Variants in SREK1IP1 observed in about 807,000 individuals in gnomAD.
The protein encoded by SREK1IP1 is protein SREK1IP1.
SREK1IP1 carries 12 observed loss-of-function variants against 22.8 expected under a neutral mutation model. That is an observed-to-expected ratio of 0.53 (90% confidence interval 0.34 to 0.85). The LOEUF is 0.85. Among genes scored for constraint, SREK1IP1 ranks in the 40% least tolerant of loss-of-function variants. The probability of loss-of-function intolerance (pLI) is 0.02; values close to 1 mark genes in which losing one functional copy is unlikely to be tolerated. For synonymous variants in SREK1IP1, 53 were observed against 52.7 expected (o/e 1.01, Z -0.02); for missense variants, 147 against 171.8 (o/e 0.86, Z 0.81).
chr5:64,730,141 A>G (rs930952804), intron 3 of SREK1IP1, among the ~76,000 whole-genome samples: 1 of 152,198 alleles, frequency 6.6e-6, no homozygotes, highest in African/African-American at 2.4e-5. Context: ...CTGACAAAGA[A>G]GGGCCACGGG....
rs755420855 is a variant in SREK1IP1, at chr5:64,752,144, G to GT, written c.61+2170dup. 3.5e-3 allele frequency among the ~76,000 whole-genome samples: 298 copies of GT among 85,424 alleles called. 5 individuals carry two copies. The highest frequency in any genetic ancestry group is 5.3e-3 in the African/African-American group (100 of 18,938). The allele number at this position is 85,424 out of a possible 152,430, so 56.0% of individuals were successfully genotyped here. ...CTCTTTTTCTGTGAATTTTTTTTGT[G>GT]TGTTTTTTTTTTTTTTTTTTTTTTT... On this transcript the variant is annotated intron_variant, in intron 2 of 4. Transcript: ENST00000513458.
At chr5:64,752,144 G>GTTTT (rs755420855) in intron 2 of SREK1IP1, among the ~76,000 whole-genome samples, 2,194 of 85,162 alleles carry the variant, frequency 0.026, 222 homozygotes, top group Non-Finnish European at 0.033. Flanking sequence ...TTTTTTTTGT[G>GTTTT]TGTTTTTTTT....
chr5:64,745,990 C>T (rs2112100816), intron 2 of SREK1IP1, among the ~76,000 whole-genome samples: 1 of 152,178 alleles, frequency 6.6e-6, no homozygotes, highest in East Asian at 1.9e-4. Context: ...AAATCTATAG[C>T]AATCAAAGCA....
rs565028537 is a variant in SREK1IP1, at chr5:64,722,264, C to T, written c.*2120G>A. 1.3e-5 allele frequency: 2 copies of T among 152,228 alleles called. No homozygotes were observed. The highest frequency in any genetic ancestry group is 2.1e-4 in the South Asian group (1 of 4,832). 9.4% of individuals were successfully genotyped at this position (152,228 alleles called of 1,614,324 possible). On this transcript the variant is annotated 3_prime_UTR_variant, in exon 5 of 5. Coordinates refer to ENST00000513458, the MANE Select transcript of SREK1IP1 (RefSeq NM_173829.4). ...TTAATTTGCATACTACATTAGTTAACGAGGACTGACTTTTGCTCTTCTCAG... is the reference window on the plus strand; with the variant it reads ...TTAATTTGCATACTACATTAGTTAATGAGGACTGACTTTTGCTCTTCTCAG...
At chr5:64,759,443 A>G (rs1295449038) in intron 1 of SREK1IP1, among the ~76,000 whole-genome samples, 1 of 152,144 alleles carries the variant, frequency 6.6e-6, no homozygotes, top group East Asian at 1.9e-4. Context: ...AGAGTAATAC[A>G]GTGTGCCCAC....
intron 1 of SREK1IP1, among the ~76,000 whole-genome samples, chr5:64,756,002 A>G (rs1742834317): frequency 6.6e-6 from 1 of 152,160 alleles, no homozygotes; most frequent in East Asian, 1.9e-4. Flanking sequence ...TTCAACACTC[A>G]AATTTTGACA....
intron 2 of SREK1IP1, among the ~76,000 whole-genome samples, chr5:64,742,077 AT>A (rs1453435628): frequency 6.6e-6 from 1 of 152,260 alleles, no homozygotes; most frequent in East Asian, 1.9e-4. Flanking sequence ...TCTTAAAAAA[AT>A]AAACTCAATT....
chr5:64,743,987 T>C (rs1406140003), intron 2 of SREK1IP1, among the ~76,000 whole-genome samples: 2 of 152,046 alleles, frequency 1.3e-5, no homozygotes, highest in Non-Finnish European at 2.9e-5. Context: ...GGAGAAGCAG[T>C]TTCTGAACAG....
intron 2 of SREK1IP1, among the ~76,000 whole-genome samples, chr5:64,744,577 A>G (rs1036800797): frequency 6.6e-6 from 1 of 152,188 alleles, no homozygotes; most frequent in Non-Finnish European, 1.5e-5. Context: ...GGGTAATATG[A>G]AATTGCCATT....
chr5:64,722,621 C>G lies in SREK1IP1; in HGVS notation c.*1763G>C, dbSNP rs943968911. 2.0e-5 allele frequency: 3 copies of G among 152,166 alleles called. No homozygotes were observed. The highest frequency in any genetic ancestry group is 7.2e-5 in the African/African-American group (3 of 41,444). The allele number at this position is 152,166 out of a possible 1,614,324, so 9.4% of individuals were successfully genotyped here. On this transcript the variant is annotated 3_prime_UTR_variant, in exon 5 of 5. Coordinates refer to ENST00000513458, the MANE Select transcript of SREK1IP1 (RefSeq NM_173829.4). ...TCGAAGAATATTTTCAAAAAACTAG[C>G]AGCAAAGGCAAAACAAATCCCTAAA...
chr5:64,718,969 A>G lies in SREK1IP1; in HGVS notation c.*5415T>C, dbSNP rs960777047. The G allele has an allele frequency of 2.6e-5, 4 of 152,208 alleles. No homozygotes were observed. The highest frequency in any genetic ancestry group is 4.4e-5 in the Non-Finnish European group (3 of 68,040). 9.4% of individuals were successfully genotyped at this position (152,208 alleles called of 1,614,324 possible). ...CTGAATACAGCTTCTCTGGTCTGAT[A>G]TATAAAAAAGAATACCTTATTTTTC... On this transcript the variant is annotated 3_prime_UTR_variant, in exon 5 of 5. Transcript: ENST00000513458.
intron 3 of SREK1IP1, among the ~76,000 whole-genome samples, chr5:64,729,848 T>C (rs981526718): frequency 6.6e-6 from 1 of 152,128 alleles, no homozygotes; most frequent in Non-Finnish European, 1.5e-5. Flanking sequence ...AAGTAAAGAT[T>C]TCAATTTTAG....
At chr5:64,731,331 T>C (rs950616137) in intron 3 of SREK1IP1, among the ~76,000 whole-genome samples, 1 of 151,500 alleles carries the variant, frequency 6.6e-6, no homozygotes, top group Non-Finnish European at 1.5e-5. Flanking sequence ...CTGGTCAACA[T>C]AGTGACATCA....
At chr5:64,757,998 GAGT>G (rs1554065781) in intron 1 of SREK1IP1, among the ~76,000 whole-genome samples, 2 of 146,702 alleles carry the variant, frequency 1.4e-5, no homozygotes, top group Non-Finnish European at 3.0e-5. Flanking sequence ...GCCTCCTCCT[GAGT>G]AGCTGGGACT....
chr5:64,735,723 A>G (rs560152758), intron 3 of SREK1IP1, among the ~76,000 whole-genome samples: 6 of 152,236 alleles, frequency 3.9e-5, no homozygotes, highest in East Asian at 1.9e-4. Context: ...CTCATTTCTG[A>G]TATCAGTAAT....
Position 64,731,544 on chromosome 5 carries a change from C to T in SREK1IP1, c.206-3365G>A, listed in dbSNP as rs149853101. ...CTCAAAAAAAAAAAAAAAAAGAGGA[C>T]AGGAATCTTAAAATAATTGTGAGGA... is the stretch of plus-strand genomic sequence containing the variant. On this transcript the variant is annotated intron_variant, in intron 3 of 4. Coordinates refer to ENST00000513458, the MANE Select transcript of SREK1IP1 (RefSeq NM_173829.4). Among the ~76,000 whole-genome samples, 1,358 of 136,518 alleles carry T rather than the reference C, an allele frequency of 9.9e-3. 17 individuals carry two copies. The highest frequency in any genetic ancestry group is 0.012 in the Non-Finnish European group (786 of 65,920). The allele number at this position is 136,518 out of a possible 152,430, so 89.6% of individuals were successfully genotyped here. A position where few individuals can be genotyped will look rare whatever the true frequency, so the allele number is the denominator to read the frequency against.
At chr5:64,738,537 TAAG>T (rs3048596) in intron 3 of SREK1IP1, among the ~76,000 whole-genome samples, 49,407 of 151,812 alleles carry the variant, frequency 0.33, 8,364 homozygotes, top group East Asian at 0.51. Flanking sequence ...AAAGCAATCT[TAAG>T]AAGAACAAAG....
intron 1 of SREK1IP1, among the ~76,000 whole-genome samples, chr5:64,763,304 T>C (rs1742982893): frequency 6.6e-6 from 1 of 152,136 alleles, no homozygotes; most frequent in Non-Finnish European, 1.5e-5. Flanking sequence ...TTTGGGAGGC[T>C]GAGGCAGGCG....
chr5:64,748,429 ATT>A (rs1380425460), intron 2 of SREK1IP1, among the ~76,000 whole-genome samples: 1 of 152,208 alleles, frequency 6.6e-6, no homozygotes, highest in Non-Finnish European at 1.5e-5. Context: ...TTGTGAATGT[ATT>A]TACTGCCACT....
Sources: gnomAD v4.1 joint callset for allele counts (sites outside exome capture counted in the v4.1 genomes callset) on GRCh38, gnomAD v4.1.1 for gene constraint, MANE v1.5 for transcripts, NCBI Gene and HGNC (gene_info 2026-07-23, HGNC 2026-07-21) for gene names.